RMC1: variants seen among roughly 807,000 people sequenced by gnomAD.
RMC1 encodes regulator of MON1-CCZ1 complex.
Under a neutral mutation model 95.5 loss-of-function variants are expected in RMC1, and 44 were observed. The ratio of observed to expected loss-of-function variants is 0.46; its 90% CI spans 0.36 to 0.59. The LOEUF is 0.59. RMC1 is among the 20% of genes least tolerant of loss of function. The pLI is 0.00. For missense variants in RMC1, 705 were observed against 819.6 expected (o/e 0.86, Z 1.71); for synonymous variants, 320 against 303.6 (o/e 1.05, Z -0.56).
At chr18:23,510,520 AC>A (rs952390618) in intron 5 of RMC1, among the ~76,000 whole-genome samples, 14 of 151,624 alleles carry the variant, frequency 9.2e-5, no homozygotes, top group African/African-American at 3.2e-4. Context: ...GGTGGCAGGC[AC>A]CTGTAATCCC....
intron 7 of RMC1, among the ~76,000 whole-genome samples, chr18:23,517,859 A>G (rs1489394083): frequency 1.3e-5 from 2 of 152,180 alleles, no homozygotes; most frequent in African/African-American, 4.8e-5. Context: ...CTGGGACTAC[A>G]GGCGCATGCC....
chr18:23,527,324 G>T (rs1308651680), intron 13 of RMC1, among the ~76,000 whole-genome samples: 1 of 151,786 alleles, frequency 6.6e-6, no homozygotes, highest in Non-Finnish European at 1.5e-5. Context: ...CCTTGAGCCC[G>T]GGAGGACGAG....
At chr18:23,511,236 A>C (rs753328813) in intron 5 of RMC1, among the ~76,000 whole-genome samples, 1 of 152,244 alleles carries the variant, frequency 6.6e-6, no homozygotes, top group Non-Finnish European at 1.5e-5. Context: ...ACAGAAAACC[A>C]AATACCACAT....
chr18:23,524,817 G>A (rs921863838), intron 12 of RMC1, among the ~76,000 whole-genome samples: 20 of 151,874 alleles, frequency 1.3e-4, no homozygotes, highest in African/African-American at 3.9e-4. Flanking sequence ...CCTTCCCACC[G>A]GTGTCCGTGC....
At chr18:23,516,927 T>C (rs2058024063) in intron 7 of RMC1, among the ~76,000 whole-genome samples, 2 of 151,974 alleles carry the variant, frequency 1.3e-5, no homozygotes, top group Non-Finnish European at 2.9e-5. Context: ...GGCTTCACCA[T>C]GTTGGCCAGG....
intron 7 of RMC1, among the ~76,000 whole-genome samples, chr18:23,517,893 T>G (rs1598874905): frequency 1.3e-5 from 2 of 152,180 alleles, no homozygotes; most frequent in African/African-American, 2.4e-5. Context: ...AATTTTTGTA[T>G]TTTCTGAAGA....
Position 23,509,257 on chromosome 18 carries a change from A to G in RMC1, c.386A>G (p.Asp129Gly). ...TCAACTGAAATTGTCTTCATAACAG[A>G]TCAAGGAATCGAATTTTACCAGGTA... ...TSSTEIVFIT[D>G]QGIEFYQVLP... The change falls in exon 5 of 20, where the codon GAT becomes GGT. Residue 129 changes from aspartate to glycine, a missense_variant. Physicochemically the swap from Asp to Gly is moderately conservative, Grantham distance 94. Transcript: ENST00000269221. 4 of 1,447,246 alleles carry G rather than the reference A, an allele frequency of 2.8e-6. No homozygotes were observed. The highest frequency in any genetic ancestry group is 3.7e-6 in the Non-Finnish European group (4 of 1,094,920). 89.7% of individuals were successfully genotyped at this position (1,447,246 alleles called of 1,614,324 possible). A position where few individuals can be genotyped will look rare whatever the true frequency, so the allele number is the denominator to read the frequency against.
chr18:23,516,519 C>A, intron 7 of RMC1, 96 bp downstream of exon 7: 1 of 1,244,598 alleles, frequency 8.0e-7, no homozygotes, highest in Non-Finnish European at 1.2e-6. Flanking sequence ...ATGCCCTGAC[C>A]CCTAGAACAC....
At chr18:23,526,402 G>GAGTC (rs981737744) in intron 12 of RMC1, among the ~76,000 whole-genome samples, 3 of 152,202 alleles carry the variant, frequency 2.0e-5, no homozygotes, top group African/African-American at 7.2e-5. Context: ...ACTTGGAAAA[G>GAGTC]AGTCAGCCAG....
chr18:23,511,800 A>G (rs2145160452), intron 5 of RMC1, among the ~76,000 whole-genome samples: 1 of 152,234 alleles, frequency 6.6e-6, no homozygotes, highest in South Asian at 2.1e-4. Context: ...TGTGATTACA[A>G]ATAACCCTTC....
chr18:23,529,110 G>A (rs1304135130), intron 14 of RMC1, 69 bp from the exon 15 acceptor site: 1 of 1,558,850 alleles, frequency 6.4e-7, no homozygotes, highest in African/African-American at 1.4e-5. Flanking sequence ...CAGTCCTTGT[G>A]GATGAACTGT....
Position 23,530,144 on chromosome 18 carries a change from C to T in RMC1, c.1599+12C>T, listed in dbSNP as rs200634097. The T allele has an allele frequency of 5.3e-3, 8,590 of 1,613,782 alleles. 37 individuals are homozygous for T. Among genetic ancestry groups the T allele is most frequent in the Non-Finnish European group, 6.5e-3 (7,632 of 1,179,658 alleles). On this transcript the variant is annotated intron_variant, in intron 17 of 19. Coordinates refer to ENST00000269221, the MANE Select transcript of RMC1 (RefSeq NM_013326.5). ...ACTCCAAACCTTTGGTATGCATTGC[C>T]AGATTTTTACTTCCATTGTGGTTAA...
At position 23,524,470 on chromosome 18, in the gene RMC1, A is replaced by G; in HGVS notation, c.1048A>G (p.Ser350Gly). The change falls in exon 12 of 20, where the codon AGC becomes GGC. Residue 350 changes from serine to glycine, a missense_variant. By Grantham distance (56) the Ser-to-Gly change is moderately conservative (BLOSUM62 0). Transcript: ENST00000269221. The stretch of plus-strand genomic sequence containing the variant: ...TGTCTTTCAACCTGACATCATTATC[A>G]GCGCAAGCCAAGGTAGGTCAGCGGG... ...WIVFQPDIII[S>G]ASQGYLWNLQ... 6.2e-7 allele frequency: 1 copy of G among 1,614,104 alleles called. No individual in the cohort carries two copies. The highest frequency in any genetic ancestry group is 8.5e-7 in the Non-Finnish European group (1 of 1,179,964).
chr18:23,518,614 A>G (rs1371709424), intron 7 of RMC1, among the ~76,000 whole-genome samples: 1 of 152,222 alleles, frequency 6.6e-6, no homozygotes, highest in African/African-American at 2.4e-5. Context: ...AAGTATAACT[A>G]TTACATGTGT....
chr18:23,512,189 T>A (rs1358116920), intron 5 of RMC1, among the ~76,000 whole-genome samples: 2 of 151,748 alleles, frequency 1.3e-5, no homozygotes, highest in Non-Finnish European at 2.9e-5. Flanking sequence ...CCTGGCTAAT[T>A]TTTGTATTTT....
intron 5 of RMC1, among the ~76,000 whole-genome samples, chr18:23,510,562 G>T (rs1210715203): frequency 6.6e-6 from 1 of 152,050 alleles, no homozygotes; most frequent in African/African-American, 2.4e-5. Flanking sequence ...CCAGGGAATT[G>T]CTTGAACCTG....
At chr18:23,510,911 G>A (rs77612096) in intron 5 of RMC1, among the ~76,000 whole-genome samples, 4 of 152,218 alleles carry the variant, frequency 2.6e-5, no homozygotes, top group African/African-American at 9.6e-5. Flanking sequence ...GTGGAAAACA[G>A]TATGGCGATT....
intron 10 of RMC1, among the ~76,000 whole-genome samples, chr18:23,523,774 C>T (rs2145237105): frequency 6.6e-6 from 1 of 152,204 alleles, no homozygotes; most frequent in East Asian, 1.9e-4. Context: ...GAAACATTCT[C>T]CGTGGATGAT....
At position 23,515,993 on chromosome 18, in the gene RMC1, T is replaced by G; in HGVS notation, c.546T>G (p.Phe182Leu). 6.2e-7 allele frequency: 1 copy of G among 1,614,158 alleles called. No individual in the cohort carries two copies. The highest frequency in any genetic ancestry group is 8.5e-7 in the Non-Finnish European group (1 of 1,180,032). ...AGAATGTCCTGCAGCCTTTTCACTTTAGGGTAAGAGGAAGCCTCCCCTGAA... is the reference window on the plus strand; with the variant it reads ...AGAATGTCCTGCAGCCTTTTCACTTGAGGGTAAGAGGAAGCCTCCCCTGAA... ...VLENVLQPFH[F>L]RAGTMSKLPK... Residue 182 changes from phenylalanine (F) to leucine (L), a missense_variant, in exon 6 of 20, where the codon TTT becomes TTG. Transcript: ENST00000269221.
Sources: allele counts gnomAD v4.1 joint callset (sites outside exome capture counted in the v4.1 genomes callset), GRCh38; gene constraint gnomAD v4.1.1; transcripts MANE v1.5; gene names NCBI Gene and HGNC (gene_info 2026-07-23, HGNC 2026-07-21).